Variants in RSRC1 observed in about 807,000 individuals in gnomAD.
The protein encoded by RSRC1 is serine/Arginine-related protein 53.
A neutral mutation model predicts 49.1 loss-of-function variants in RSRC1; 39 were observed. The observed-to-expected ratio is 0.79, with a 90% confidence interval of 0.61 to 1.04. The LOEUF (loss-of-function observed/expected upper bound fraction) is 1.04, where lower values mean the gene tolerates loss of function less well. Among genes scored for constraint, RSRC1 ranks in the 50% least tolerant of loss-of-function variants. The pLI is 0.00. For synonymous variants in RSRC1, 143 were observed against 130.8 expected (o/e 1.09, Z -0.63); for missense variants, 388 against 402.4 (o/e 0.96, Z 0.31).
chr3:158,352,793 G>A (rs954458831), intron 5 of RSRC1, among the ~76,000 whole-genome samples: 18 of 152,092 alleles, frequency 1.2e-4, no homozygotes, highest in Non-Finnish European at 4.4e-5. Flanking sequence ...CCTTTAGTTG[G>A]GGCATGTGCT....
At chr3:158,359,045 A>G (rs761113725) in intron 6 of RSRC1, among the ~76,000 whole-genome samples, 17 of 152,018 alleles carry the variant, frequency 1.1e-4, no homozygotes, top group Non-Finnish European at 2.1e-4. Context: ...TTGTTTGAGT[A>G]CCTGTTTGGA....
intron 4 of RSRC1, among the ~76,000 whole-genome samples, chr3:158,286,902 CT>C (rs1164834488): frequency 6.6e-6 from 1 of 152,224 alleles, no homozygotes; most frequent in Non-Finnish European, 1.5e-5. Flanking sequence ...TCTCAGCTCA[CT>C]GCAACCTCTG....
intron 6 of RSRC1, among the ~76,000 whole-genome samples, chr3:158,451,709 C>T (rs1737049249): frequency 6.6e-6 from 1 of 152,046 alleles, no homozygotes; most frequent in Non-Finnish European, 1.5e-5. Context: ...GAACTGTTCA[C>T]TCCAGTGGTG....
intron 3 of RSRC1, among the ~76,000 whole-genome samples, chr3:158,157,842 G>A (rs558338854): frequency 3.0e-4 from 45 of 152,170 alleles, no homozygotes; most frequent in African/African-American, 1.1e-3. Flanking sequence ...TTGAACCCCG[G>A]AGGTGGAGGT....
At chr3:158,156,036 A>T (rs1717855988) in intron 3 of RSRC1, among the ~76,000 whole-genome samples, 1 of 152,156 alleles carries the variant, frequency 6.6e-6, no homozygotes, top group Non-Finnish European at 1.5e-5. Context: ...TACCTATAAG[A>T]CCCAGATGAC....
intron 3 of RSRC1, among the ~76,000 whole-genome samples, chr3:158,201,075 A>C (rs191175802): frequency 6.6e-6 from 1 of 152,184 alleles, no homozygotes; most frequent in Admixed American, 6.5e-5. Context: ...TTTGTCTCAA[A>C]AATGTCCTTA....
intron 8 of RSRC1, among the ~76,000 whole-genome samples, chr3:158,542,433 G>A (rs1277054499): frequency 6.6e-6 from 1 of 152,192 alleles, no homozygotes; most frequent in African/African-American, 2.4e-5. Flanking sequence ...TACTCGGGAG[G>A]CTGAAGCAGG....
intron 4 of RSRC1, among the ~76,000 whole-genome samples, chr3:158,267,296 G>A (rs77054831): frequency 0.011 from 1,740 of 152,238 alleles, 10 homozygotes; most frequent in Non-Finnish European, 0.017. Flanking sequence ...GCTTTCAGAA[G>A]TTTGACTATC....
intron 6 of RSRC1, among the ~76,000 whole-genome samples, chr3:158,390,343 G>A (rs1733206880): frequency 6.6e-6 from 1 of 152,148 alleles, no homozygotes. Flanking sequence ...TCTTAGACCT[G>A]GCCAGGGCCC....
At chr3:158,504,332 T>C (rs73020720) in intron 7 of RSRC1, among the ~76,000 whole-genome samples, 25,707 of 152,168 alleles carry the variant, frequency 0.17, 2,347 homozygotes, top group African/African-American at 0.24. Context: ...AAATTCACAA[T>C]GCAAGCCTCT....
At chr3:158,425,810 G>T (rs1735394010) in intron 6 of RSRC1, among the ~76,000 whole-genome samples, 1 of 151,778 alleles carries the variant, frequency 6.6e-6, no homozygotes, top group African/African-American at 2.4e-5. Flanking sequence ...TAATTTAGAA[G>T]TTTAATTTTA....
chr3:158,191,539 G>T (rs367949067), intron 3 of RSRC1, among the ~76,000 whole-genome samples: 5 of 151,888 alleles, frequency 3.3e-5, no homozygotes, highest in African/African-American at 9.7e-5. Context: ...ATGTTGCAGG[G>T]ACTTTTCTTA....
intron 6 of RSRC1, among the ~76,000 whole-genome samples, chr3:158,458,162 G>A (rs941768578): frequency 6.6e-6 from 1 of 152,064 alleles, no homozygotes; most frequent in African/African-American, 2.4e-5. Context: ...AGACAGCATA[G>A]TAAGTTGTAG....
chr3:158,335,477 A>C (rs1729833195), intron 5 of RSRC1, among the ~76,000 whole-genome samples: 1 of 152,252 alleles, frequency 6.6e-6, no homozygotes, highest in Admixed American at 6.5e-5. Flanking sequence ...GATAGCATTG[A>C]AAATTAAAGT....
chr3:158,287,789 T>C (rs1726662390), intron 4 of RSRC1, among the ~76,000 whole-genome samples: 1 of 152,162 alleles, frequency 6.6e-6, no homozygotes, highest in Non-Finnish European at 1.5e-5. Context: ...AACAAGGACA[T>C]ATTGAAGCTA....
At chr3:158,121,968 A>G (rs183722850) in intron 1 of RSRC1, 135 bp from the exon 2 acceptor site, 99 of 484,960 alleles carry the variant, frequency 2.0e-4, no homozygotes, top group African/African-American at 1.8e-3. Flanking sequence ...TTGTACCACT[A>G]CACTCCAGCC....
chr3:158,202,295 G>A (rs1293947841), intron 3 of RSRC1, among the ~76,000 whole-genome samples: 10 of 151,994 alleles, frequency 6.6e-5, no homozygotes, highest in African/African-American at 1.9e-4. Flanking sequence ...GATTACAGGC[G>A]TCAGCTGCTG....
At chr3:158,401,449 C>A (rs9876322) in intron 6 of RSRC1, among the ~76,000 whole-genome samples, 78,878 of 151,626 alleles carry the variant, frequency 0.52, 20,942 homozygotes, top group African/African-American at 0.61. Flanking sequence ...TGCGATAGGA[C>A]GGAGAAACGT....
chr3:158,113,241 C>T (rs1182468968), intron 1 of RSRC1, among the ~76,000 whole-genome samples: 1 of 152,188 alleles, frequency 6.6e-6, no homozygotes, highest in African/African-American at 2.4e-5. Flanking sequence ...CTCAAAGTAT[C>T]ACCCGTTCTG....
Sources: allele counts gnomAD v4.1 joint callset (sites outside exome capture counted in the v4.1 genomes callset), GRCh38; gene constraint gnomAD v4.1.1; transcripts MANE v1.5; gene names NCBI Gene and HGNC (gene_info 2026-07-23, HGNC 2026-07-21).